The following BTBD9 variants were observed in gnomAD, a reference collection of about 807,000 sequenced individuals.
BTBD9 encodes BTB/POZ domain-containing protein 9.
Under a neutral mutation model 64.3 loss-of-function variants are expected in BTBD9, and 49 were observed. The ratio of observed to expected loss-of-function variants is 0.76; its 90% confidence interval spans 0.61 to 0.97. The LOEUF is 0.97. Ranked by LOEUF, BTBD9 falls within the 50% of genes least tolerant of loss-of-function variation. The pLI is 0.00. For synonymous variants in BTBD9, 260 were observed against 274.7 expected, an observed-to-expected ratio of 0.95 and a Z score of 0.53; for missense variants, 598 against 762.1, an observed-to-expected ratio of 0.78 and a Z score of 2.53.
At chr6:38,274,482 T>G (rs1377230093) in intron 8 of BTBD9, among the ~76,000 whole-genome samples, 1 of 152,092 alleles carries the variant, frequency 6.6e-6, no homozygotes, top group East Asian at 1.9e-4. Context: ...ATGCTTCCAG[T>G]TTTTGCCCAT....
chr6:38,561,945 G>C (rs1406208300), intron 6 of BTBD9, among the ~76,000 whole-genome samples: 1 of 151,996 alleles, frequency 6.6e-6, no homozygotes, highest in African/African-American at 2.4e-5. Flanking sequence ...TGAAATTAGA[G>C]AGAGAGAAAG....
intron 6 of BTBD9, among the ~76,000 whole-genome samples, chr6:38,429,974 C>T (rs900404459): frequency 7.2e-5 from 11 of 151,962 alleles, no homozygotes; most frequent in African/African-American, 2.4e-4. Context: ...GTGGAAGATA[C>T]TCATTTAATC....
chr6:38,342,584 T>C (rs913291806), intron 7 of BTBD9, among the ~76,000 whole-genome samples: 3 of 151,492 alleles, frequency 2.0e-5, no homozygotes, highest in Non-Finnish European at 2.9e-5. Flanking sequence ...TAATTACTTA[T>C]GATGACATTA....
chr6:38,354,845 A>G (rs953001849), intron 6 of BTBD9, among the ~76,000 whole-genome samples: 2 of 152,190 alleles, frequency 1.3e-5, no homozygotes, highest in Non-Finnish European at 2.9e-5. Context: ...TACTGCAGAA[A>G]ACTTGAGGAA....
At chr6:38,467,097 C>T (rs1163463447) in intron 6 of BTBD9, among the ~76,000 whole-genome samples, 1 of 152,120 alleles carries the variant, frequency 6.6e-6, no homozygotes, top group Non-Finnish European at 1.5e-5. Context: ...AACAAAAATA[C>T]AAATGGCAGA....
At position 38,597,784 on chromosome 6, in the gene BTBD9, T is replaced by C. The variant is rs191880621; in HGVS notation, c.185+126A>G. The stretch of plus-strand genomic sequence containing the variant: ...AAAGTCTACAAGGATGAAATCTTCA[T>C]AGATATTGAATTGAGAGACTGCAAG... On this transcript the variant is annotated intron_variant, in intron 2 of 10. Coordinates refer to ENST00000481247, the MANE Select transcript of BTBD9 (RefSeq NM_001099272.2). The C allele has an allele frequency of 8.0e-4, 620 of 770,632 alleles. 5 individuals are homozygous for C. In the African/African-American group the frequency reaches 8.9e-3, roughly 11 times the overall value. 47.7% of individuals were successfully genotyped at this position (770,632 alleles called of 1,614,324 possible). A position where few individuals can be genotyped will look rare whatever the true frequency, so the allele number is the denominator to read the frequency against.
intron 6 of BTBD9, among the ~76,000 whole-genome samples, chr6:38,358,848 T>C (rs1764837591): frequency 1.3e-5 from 2 of 151,678 alleles, no homozygotes; most frequent in African/African-American, 4.9e-5. Flanking sequence ...CTCGGCTCAC[T>C]GCAAGCTCCG....
intron 1 of BTBD9, among the ~76,000 whole-genome samples, chr6:38,605,721 A>C (rs147442189): frequency 6.6e-6 from 1 of 152,120 alleles, no homozygotes; most frequent in Admixed American, 6.5e-5. Context: ...GGGAGGCTGA[A>C]GCAGGAGGAT....
intron 1 of BTBD9, among the ~76,000 whole-genome samples, chr6:38,606,259 G>A (rs564117896): frequency 4.6e-5 from 7 of 152,058 alleles, no homozygotes; most frequent in South Asian, 2.1e-4. Flanking sequence ...CCTTGTGATC[G>A]TGTGAGTCAA....
chr6:38,291,969 T>A (rs1761981077), intron 7 of BTBD9, among the ~76,000 whole-genome samples: 1 of 151,916 alleles, frequency 6.6e-6, no homozygotes, highest in African/African-American at 2.4e-5. Flanking sequence ...TTCTTTCTTT[T>A]TTTTTTTTTG....
intron 6 of BTBD9, among the ~76,000 whole-genome samples, chr6:38,538,784 T>A (rs961848212): frequency 2.4e-5 from 1 of 41,330 alleles, no homozygotes; most frequent in Non-Finnish European, 5.3e-5. Context: ...TTTCTTTTTC[T>A]TTTTTTTTTT....
intron 8 of BTBD9, among the ~76,000 whole-genome samples, chr6:38,265,978 TG>T (rs1354931291): frequency 1.3e-5 from 2 of 152,234 alleles, no homozygotes; most frequent in Non-Finnish European, 1.5e-5. Context: ...GAGTGTGGAA[TG>T]AATGGTGAAC....
intron 10 of BTBD9, among the ~76,000 whole-genome samples, chr6:38,177,606 G>A (rs1178271569): frequency 6.6e-6 from 1 of 152,218 alleles, no homozygotes; most frequent in South Asian, 2.1e-4. Flanking sequence ...GGATCAGGGC[G>A]GGTCTCTGCT....
chr6:38,357,950 G>GAC, intron 6 of BTBD9, among the ~76,000 whole-genome samples: 1 of 152,186 alleles, frequency 6.6e-6, no homozygotes, highest in East Asian at 1.9e-4. Flanking sequence ...GATATGTCCA[G>GAC]ACATTCCCAT....
intron 7 of BTBD9, among the ~76,000 whole-genome samples, chr6:38,325,372 C>T (rs533323191): frequency 2.0e-5 from 3 of 152,114 alleles, no homozygotes; most frequent in African/African-American, 7.2e-5. Flanking sequence ...GTTCTCTATA[C>T]CTAATGGATA....
In BTBD9 at chr6:38,615,726, C is replaced by A. The variant is rs556456128; in HGVS notation, c.-27-17605G>T. Among the ~76,000 whole-genome samples, 338 of 152,346 alleles carry A rather than the reference C, an allele frequency of 2.2e-3. 1 individual carries two copies. The highest frequency in any genetic ancestry group is 3.0e-3 in the Non-Finnish European group (207 of 68,030). Reference sequence around the variant, plus strand: ...CACTGCTCTTAGCCCTAGAAGATAACCTCCATGAGAGCATGGGTTCTGCCC... The same window carrying A: ...CACTGCTCTTAGCCCTAGAAGATAAACTCCATGAGAGCATGGGTTCTGCCC... On this transcript the variant is annotated intron_variant, in intron 1 of 10. Coordinates refer to ENST00000481247, the MANE Select transcript of BTBD9 (RefSeq NM_001099272.2).
At chr6:38,566,615 C>T (rs1034333425) in intron 6 of BTBD9, among the ~76,000 whole-genome samples, 3 of 152,106 alleles carry the variant, frequency 2.0e-5, no homozygotes, top group African/African-American at 4.8e-5. Flanking sequence ...AGTGTTTAAT[C>T]GAAATATTCG....
At chr6:38,374,255 T>C (rs1311674826) in intron 6 of BTBD9, among the ~76,000 whole-genome samples, 2 of 83,024 alleles carry the variant, frequency 2.4e-5, no homozygotes, top group Non-Finnish European at 4.5e-5. Context: ...GGCGACAGAG[T>C]GAGGCCTTGT....
At chr6:38,434,641 TA>T (rs1233575109) in intron 6 of BTBD9, among the ~76,000 whole-genome samples, 1 of 151,992 alleles carries the variant, frequency 6.6e-6, no homozygotes, top group African/African-American at 2.4e-5. Flanking sequence ...TGGCTCAGAA[TA>T]AATCTCTTCA....
Sources: gnomAD v4.1 joint callset for allele counts (sites outside exome capture counted in the v4.1 genomes callset) on GRCh38, gnomAD v4.1.1 for gene constraint, MANE v1.5 for transcripts, NCBI Gene and HGNC (gene_info 2026-07-23, HGNC 2026-07-21) for gene names.